Variants in POPDC1 observed in about 807,000 individuals in gnomAD.
The protein encoded by POPDC1 is popeye domain-containing protein 1.
chr6:105,116,610 G>C, the POPDC1 span: 1 of 1,032,250 alleles, frequency 9.7e-7, no homozygotes, highest in Non-Finnish European at 1.4e-6. Context: ...CATATGGCTA[G>C]TTACTAAAAA....
At chr6:105,105,082 A>T in the POPDC1 span, among the ~76,000 whole-genome samples, 2 of 152,170 alleles carry the variant, frequency 1.3e-5, no homozygotes, top group Non-Finnish European at 2.9e-5. Context: ...TCCTAGGAGG[A>T]TAAACCAGGG....
chr6:105,097,808 A>G, the POPDC1 span: 2 of 152,236 alleles, frequency 1.3e-5, no homozygotes, highest in Non-Finnish European at 2.9e-5. Flanking sequence ...AAATTGAGTG[A>G]TAGGGAGAAA....
At chr6:105,115,248 G>T in the POPDC1 span, among the ~76,000 whole-genome samples, 1 of 152,176 alleles carries the variant, frequency 6.6e-6, no homozygotes, top group Non-Finnish European at 1.5e-5. Context: ...CACCAAGCCC[G>T]GCTAATTTTT....
the POPDC1 span, chr6:105,129,240 TA>T: frequency 1.3e-6 from 1 of 752,366 alleles, no homozygotes; most frequent in Non-Finnish European, 2.0e-6. Context: ...AGGCATAATG[TA>T]AACAGAAAGC....
At chr6:105,109,522 G>C in the POPDC1 span, among the ~76,000 whole-genome samples, 1 of 151,840 alleles carries the variant, frequency 6.6e-6, no homozygotes, top group African/African-American at 2.4e-5. Context: ...CAGATCACTT[G>C]AGCCCAGGAA....
At chr6:105,129,526 C>T in the POPDC1 span, 1,503,678 of 1,600,448 alleles carry the variant, frequency 0.94, 709,090 homozygotes, top group Admixed American at 0.96. Flanking sequence ...AAAGTTAACA[C>T]GTTAGATAAT....
At chr6:105,131,654 G>A in the POPDC1 span, among the ~76,000 whole-genome samples, 3 of 152,136 alleles carry the variant, frequency 2.0e-5, no homozygotes, top group South Asian at 2.1e-4. Context: ...GGCTTCAAGA[G>A]ATACTCTCAC....
the POPDC1 span, among the ~76,000 whole-genome samples, chr6:105,115,000 A>G: frequency 6.6e-6 from 1 of 152,270 alleles, no homozygotes. Context: ...TAAAGTCATG[A>G]AAGTAACAAA....
At chr6:105,119,928 C>A in the POPDC1 span, among the ~76,000 whole-genome samples, 176 of 152,126 alleles carry the variant, frequency 1.2e-3, 5 homozygotes, top group East Asian at 0.03. Flanking sequence ...AATAATAAGC[C>A]GTACTTAGTT....
the POPDC1 span, among the ~76,000 whole-genome samples, chr6:105,126,601 G>C: frequency 3.9e-5 from 6 of 152,066 alleles, no homozygotes. Context: ...ATAAATAACA[G>C]AAAACCTTTT....
the POPDC1 span, among the ~76,000 whole-genome samples, chr6:105,114,127 A>C: frequency 6.6e-6 from 1 of 152,234 alleles, no homozygotes; most frequent in African/African-American, 2.4e-5. Flanking sequence ...ACTCGTCTTT[A>C]AGTCTTCCAA....
At chr6:105,133,343 G>C in the POPDC1 span, 1 of 1,594,384 alleles carries the variant, frequency 6.3e-7, no homozygotes, top group African/African-American at 1.3e-5. Flanking sequence ...TATCAGTTAG[G>C]TATCTTACCT....
the POPDC1 span, among the ~76,000 whole-genome samples, chr6:105,109,644 G>A: frequency 6.6e-6 from 1 of 151,320 alleles, no homozygotes; most frequent in South Asian, 2.1e-4. Context: ...AGGCTGAGGC[G>A]GGAGGACATC....
At chr6:105,097,611 C>G in the POPDC1 span, 1 of 152,222 alleles carries the variant, frequency 6.6e-6, no homozygotes, top group African/African-American at 2.4e-5. Flanking sequence ...ATTTTTCCAG[C>G]AACCAAGTGA....
the POPDC1 span, among the ~76,000 whole-genome samples, chr6:105,102,642 A>G: frequency 6.6e-6 from 1 of 152,196 alleles, no homozygotes; most frequent in East Asian, 1.9e-4. Context: ...ATATCTATAA[A>G]AAGGGGATAT....
At chr6:105,124,933 A>G in the POPDC1 span, among the ~76,000 whole-genome samples, 133,722 of 152,190 alleles carry the variant, frequency 0.88, 59,746 homozygotes, top group Non-Finnish European at 0.96. Context: ...TGTAACTCTA[A>G]CTGGCACACT....
the POPDC1 span, chr6:105,129,266 AATTAT>A: frequency 1.1e-6 from 1 of 947,642 alleles, no homozygotes; most frequent in South Asian, 2.6e-5. Flanking sequence ...ACTTCAGAGA[AATTAT>A]ATTAAAGTGA....
At chr6:105,120,572 C>T in the POPDC1 span, among the ~76,000 whole-genome samples, 3 of 152,144 alleles carry the variant, frequency 2.0e-5, no homozygotes, top group Admixed American at 1.3e-4. Context: ...AAAGCAAATA[C>T]GGCAACAGAA....
At chr6:105,125,437 C>T in the POPDC1 span, 1 of 1,614,192 alleles carries the variant, frequency 6.2e-7, no homozygotes, top group Non-Finnish European at 8.5e-7. Context: ...GAGGTTTTAT[C>T]CTCTGCAGCA....
Sources: gnomAD v4.1 joint callset for allele counts (sites outside exome capture counted in the v4.1 genomes callset) on GRCh38, gnomAD v4.1.1 for gene constraint, MANE v1.5 for transcripts, NCBI Gene and HGNC (gene_info 2026-07-23, HGNC 2026-07-21) for gene names.